SUCLG2: variants seen among roughly 807,000 people sequenced by gnomAD.
SUCLG2 encodes the protein succinate-CoA ligase GDP-forming subunit beta.
Under a neutral mutation model 47.9 loss-of-function variants are expected in SUCLG2, and 42 were observed. That is an observed-to-expected ratio of 0.88 (90% CI 0.69 to 1.14). The LOEUF is 1.14. Ranked by LOEUF, SUCLG2 falls within the 50% of genes most tolerant of loss-of-function variation. The pLI is 0.00. For missense variants in SUCLG2, 571 were observed against 525.9 expected (o/e 1.09, Z -0.84); for synonymous variants, 195 against 197.3 (o/e 0.99, Z 0.10).
chr3:67,447,696 T>C (rs549325902), intron 9 of SUCLG2, among the ~76,000 whole-genome samples: 1 of 152,188 alleles, frequency 6.6e-6, no homozygotes, highest in Admixed American at 6.5e-5. Context: ...CTTGAAAAAA[T>C]TTGTCCCATT....
Position 67,395,632 on chromosome 3 carries a change from G to A in SUCLG2, c.1183+5099C>T, listed in dbSNP as rs559407621. Among the ~76,000 whole-genome samples, 9 of 152,244 alleles carry A rather than the reference G, an allele frequency of 5.9e-5. No homozygotes were observed. The East Asian group carries it at 1.5e-3, about 26-fold the overall frequency. On this transcript the variant is annotated intron_variant, in intron 10 of 10. Coordinates refer to ENST00000307227, the MANE Select transcript of SUCLG2 (RefSeq NM_003848.4). ...ATCAATGAGACAGAAAGTTAACAAC[G>A]ATACCCAGGAATTGAACTCAGCTCT...
At chr3:67,443,960 G>A (rs1382987896) in intron 9 of SUCLG2, among the ~76,000 whole-genome samples, 18 of 84,502 alleles carry the variant, frequency 2.1e-4, no homozygotes, top group African/African-American at 6.9e-4. Context: ...GGAGGGAGGT[G>A]GGGGGGGGTC....
intron 9 of SUCLG2, among the ~76,000 whole-genome samples, chr3:67,432,283 C>T (rs1039109096): frequency 6.6e-6 from 1 of 152,172 alleles, no homozygotes; most frequent in Admixed American, 6.5e-5. Context: ...TAACTGGCTG[C>T]ATATTATACT....
At chr3:67,537,197 G>A (rs932216554) in intron 2 of SUCLG2, among the ~76,000 whole-genome samples, 1 of 151,340 alleles carries the variant, frequency 6.6e-6, no homozygotes, top group African/African-American at 2.4e-5. Context: ...ATTTAAATCC[G>A]TTCCCCTCTC....
intron 9 of SUCLG2, among the ~76,000 whole-genome samples, chr3:67,416,642 A>G (rs1246669693): frequency 6.6e-6 from 1 of 152,200 alleles, no homozygotes; most frequent in Non-Finnish European, 1.5e-5. Flanking sequence ...ATGTGAGTTA[A>G]ATGAAAAGTA....
At chr3:67,528,692 C>T (rs1706319622) in intron 3 of SUCLG2, among the ~76,000 whole-genome samples, 1 of 152,100 alleles carries the variant, frequency 6.6e-6, no homozygotes, top group Non-Finnish European at 1.5e-5. Context: ...AAAAGACAGG[C>T]TCAAATAAAG....
chr3:67,562,877 C>T (rs1174110432), intron 2 of SUCLG2, among the ~76,000 whole-genome samples: 1 of 151,874 alleles, frequency 6.6e-6, no homozygotes, highest in Non-Finnish European at 1.5e-5. Flanking sequence ...GTCTTGCAAA[C>T]CTTAGTGAAC....
intron 10 of SUCLG2, among the ~76,000 whole-genome samples, chr3:67,384,682 T>C (rs1395094803): frequency 6.6e-6 from 1 of 152,182 alleles, no homozygotes; most frequent in East Asian, 1.9e-4. Flanking sequence ...GCTATATATC[T>C]AGGAGAAAAA....
At chr3:67,620,949 C>T (rs1488039082) in intron 1 of SUCLG2, among the ~76,000 whole-genome samples, 1 of 152,148 alleles carries the variant, frequency 6.6e-6, no homozygotes, top group Non-Finnish European at 1.5e-5. Flanking sequence ...ATCAAATTCA[C>T]GTTTTAGAAA....
chr3:67,651,316 T>C (rs1416001740), intron 1 of SUCLG2, among the ~76,000 whole-genome samples: 1 of 152,154 alleles, frequency 6.6e-6, no homozygotes, highest in African/African-American at 2.4e-5. Context: ...AGACCTAGTC[T>C]ACTACCACTT....
intron 10 of SUCLG2, among the ~76,000 whole-genome samples, chr3:67,395,217 C>T (rs1236793714): frequency 1.3e-5 from 2 of 152,026 alleles, no homozygotes; most frequent in Non-Finnish European, 2.9e-5. Context: ...AATTAAAAGA[C>T]ACAGACTGGC....
intron 2 of SUCLG2, among the ~76,000 whole-genome samples, chr3:67,589,545 G>A (rs775589209): frequency 4.0e-4 from 61 of 152,206 alleles, no homozygotes; most frequent in Non-Finnish European, 3.7e-4. Flanking sequence ...CATGGAATGA[G>A]GTGATAAGTC....
rs778540373 is a variant in SUCLG2 at position 67,518,291 on chromosome 3, G to T, written c.616C>A (p.Arg206=). 3 of 1,612,210 alleles carry T rather than the reference G, an allele frequency of 1.9e-6. No individual in the cohort carries two copies. In the South Asian group the frequency reaches 3.3e-5, roughly 18 times the overall value. The change falls in exon 6 of 11, where the codon CGG becomes AGG. Residue 206 remains arginine (R), a synonymous_variant. Transcript: ENST00000307227. ...FEGIKDSQAQ[R]MAENLGFVGP... ...ACGAAGCCTAGATTTTCGGCCATCC[G>T]CTGAGCTTGGCTGTCCTTTATTCCT... is the stretch of plus-strand genomic sequence containing the variant.
chr3:67,431,564 A>T (rs1703480648), intron 9 of SUCLG2, among the ~76,000 whole-genome samples: 2 of 152,190 alleles, frequency 1.3e-5, no homozygotes, highest in South Asian at 4.1e-4. Flanking sequence ...AGCCATAAAA[A>T]AGGTTGAGTT....
chr3:67,553,144 C>T (rs1378379089), intron 2 of SUCLG2, among the ~76,000 whole-genome samples: 1 of 152,194 alleles, frequency 6.6e-6, no homozygotes, highest in Non-Finnish European at 1.5e-5. Flanking sequence ...AGATCAGGTA[C>T]TGAAGGCTGA....
In SUCLG2 at chr3:67,454,144, T is replaced by A. The variant is rs138490407; in HGVS notation, c.1062+41654A>T. ...TTCATTCCCAATGTTGGATAAGAAG[T>A]TGACAGAGCTGCACAAAAATTGCAA... On this transcript the variant is annotated intron_variant, in intron 9 of 10. Transcript: ENST00000307227. 7.9e-5 allele frequency among the ~76,000 whole-genome samples: 12 copies of A among 152,342 alleles called. No individual in the cohort carries two copies. The East Asian group carries it at 2.3e-3, about 29-fold the overall frequency.
intron 9 of SUCLG2, among the ~76,000 whole-genome samples, chr3:67,452,648 C>T (rs1704083453): frequency 6.6e-6 from 1 of 152,190 alleles, no homozygotes; most frequent in Non-Finnish European, 1.5e-5. Context: ...CCTTCCCACT[C>T]TTCCTCCTTT....
chr3:67,620,495 G>A (rs1303714757), intron 1 of SUCLG2, among the ~76,000 whole-genome samples: 1 of 137,826 alleles, frequency 7.3e-6, no homozygotes, highest in Non-Finnish European at 1.5e-5. Context: ...TGAGACAGGA[G>A]AACAGCTTGA....
intron 1 of SUCLG2, among the ~76,000 whole-genome samples, chr3:67,622,212 A>G (rs146080202): frequency 1.2e-4 from 18 of 152,378 alleles, no homozygotes; most frequent in Admixed American, 3.9e-4. Flanking sequence ...AAATATGTCA[A>G]TGCAAATATA....
Sources: allele counts gnomAD v4.1 joint callset (sites outside exome capture counted in the v4.1 genomes callset), GRCh38; gene constraint gnomAD v4.1.1; transcripts MANE v1.5; gene names NCBI Gene and HGNC (gene_info 2026-07-23, HGNC 2026-07-21).